The following FARP1 variants were observed in gnomAD, a reference collection of about 807,000 sequenced individuals.
FARP1 encodes FERM, ARH/RhoGEF and pleckstrin domain protein 1, also known as FERM, ARHGEF and pleckstrin domain-containing protein 1.
Under a neutral mutation model 128.8 loss-of-function variants are expected in FARP1, and 52 were observed. That is an observed-to-expected ratio of 0.40 (90% CI 0.32 to 0.51). The LOEUF is 0.51. FARP1 is among the 20% of genes least tolerant of loss of function. FARP1 has a pLI of 0.45. For synonymous variants in FARP1, 580 were observed against 551.8 expected (o/e 1.05, Z -0.72); for missense variants, 1,333 against 1,367.9 (o/e 0.97, Z 0.40).
intron 4 of FARP1, among the ~76,000 whole-genome samples, chr13:98,366,745 G>A (rs914661073): frequency 4.1e-4 from 62 of 152,332 alleles, no homozygotes; most frequent in African/African-American, 1.5e-3. Flanking sequence ...AATAAGTGGT[G>A]CAGCCTTCTC....
At chr13:98,427,023 G>A (rs185694064) in intron 17 of FARP1, among the ~76,000 whole-genome samples, 32 of 152,178 alleles carry the variant, frequency 2.1e-4, no homozygotes, top group Admixed American at 5.2e-4. Flanking sequence ...CGTGGTGCTC[G>A]TGTGGAAACT....
chr13:98,384,034 T>TTTA (rs1195981392), intron 6 of FARP1: 1 of 152,232 alleles, frequency 6.6e-6, no homozygotes, highest in Non-Finnish European at 1.5e-5. Flanking sequence ...CACTTTGATG[T>TTTA]TTATAAAGTC....
chr13:98,314,289 T>C (rs1685460228), intron 2 of FARP1, among the ~76,000 whole-genome samples: 1 of 140,040 alleles, frequency 7.1e-6, no homozygotes, highest in Non-Finnish European at 1.5e-5. Flanking sequence ...TTTTTTTTTT[T>C]TTTTTTTTTG....
intron 2 of FARP1, among the ~76,000 whole-genome samples, chr13:98,218,562 G>A (rs963500602): frequency 6.6e-5 from 10 of 152,128 alleles, no homozygotes; most frequent in African/African-American, 2.4e-4. Context: ...TAATCTTAGA[G>A]CAAACCTTGA....
chr13:98,389,948 C>G lies in FARP1; in HGVS notation c.856-9C>G. The G allele has an allele frequency of 6.2e-7, 1 of 1,613,512 alleles. No individual in the cohort carries two copies. Among genetic ancestry groups the G allele is most frequent in the Non-Finnish European group, 8.5e-7 (1 of 1,179,780 alleles). ...TGGAAAAAACCACCGTTGTATTTTC[C>G]CTTTTTAGAGTGCGTACCAGGATAC... On this transcript the variant is annotated splice_polypyrimidine_tract_variant and intron_variant, in intron 9 of 26. Coordinates refer to ENST00000319562, the MANE Select transcript of FARP1 (RefSeq NM_005766.4).
At chr13:98,296,788 G>C (rs1386523527) in intron 2 of FARP1, among the ~76,000 whole-genome samples, 1 of 147,894 alleles carries the variant, frequency 6.8e-6, no homozygotes, top group African/African-American at 2.5e-5. Flanking sequence ...CAACTCAGGT[G>C]ATCCTCTCAC....
Position 98,451,912 on chromosome 13 carries a change from T to A in FARP1, c.*3595T>A, listed in dbSNP as rs1324833632. ...CAGAGAAGCAAAATAACTCTTAAGGTCCCCGGCAACCGCTACAGCAATCGC... is the reference window on the plus strand; with the variant it reads ...CAGAGAAGCAAAATAACTCTTAAGGACCCCGGCAACCGCTACAGCAATCGC... On this transcript the variant is annotated 3_prime_UTR_variant, in exon 27 of 27. Transcript: ENST00000319562. 6.6e-6 allele frequency: 1 copy of A among 151,254 alleles called. No homozygotes were observed. Among genetic ancestry groups the A allele is most frequent in the Non-Finnish European group, 1.5e-5 (1 of 67,978 alleles). The allele number at this position is 151,254 out of a possible 1,614,324, so 9.4% of individuals were successfully genotyped here. A position where few individuals can be genotyped will look rare whatever the true frequency, so the allele number is the denominator to read the frequency against.
chr13:98,388,847 C>A (rs1023672627), intron 9 of FARP1, among the ~76,000 whole-genome samples: 1 of 152,234 alleles, frequency 6.6e-6, no homozygotes, highest in Admixed American at 6.5e-5. Flanking sequence ...CTACCCCAGG[C>A]ATAGACTGAC....
At chr13:98,424,501 A>C (rs1891705401) in intron 16 of FARP1, 71 bp from the exon 17 acceptor site, 2 of 958,900 alleles carry the variant, frequency 2.1e-6, no homozygotes, top group African/African-American at 3.2e-5. Flanking sequence ...CGGTAGGCTG[A>C]TATTTGTAAC....
intron 3 of FARP1, among the ~76,000 whole-genome samples, chr13:98,355,224 A>G (rs1888593357): frequency 1.3e-5 from 2 of 152,192 alleles, no homozygotes; most frequent in Admixed American, 6.5e-5. Context: ...TCACACCTGT[A>G]GTCCTAGCTA....
intron 4 of FARP1, among the ~76,000 whole-genome samples, chr13:98,366,893 TA>T (rs775779186): frequency 1.7e-4 from 26 of 152,198 alleles, no homozygotes; most frequent in Non-Finnish European, 2.8e-4. Context: ...TTGCTTTTTT[TA>T]AACTTGAATA....
intron 1 of FARP1, among the ~76,000 whole-genome samples, chr13:98,166,728 T>C (rs1277613392): frequency 1.2e-4 from 17 of 137,528 alleles, no homozygotes; most frequent in Non-Finnish European, 1.8e-4. Context: ...TTCTTTCTTT[T>C]TTTTTTTTTT....
chr13:98,329,242 A>C (rs185520265), intron 2 of FARP1: 3 of 152,320 alleles, frequency 2.0e-5, no homozygotes, highest in Non-Finnish European at 1.5e-5. Flanking sequence ...CTATCGAAAG[A>C]ATGTCATCTT....
chr13:98,277,150 C>CA (rs1566824337), intron 2 of FARP1, among the ~76,000 whole-genome samples: 5 of 11,752 alleles, frequency 4.3e-4, no homozygotes, highest in African/African-American at 7.5e-4. Context: ...ACACACACAC[C>CA]CCATATGTAT....
chr13:98,409,588 T>A, intron 14 of FARP1, 63 bp downstream of exon 14: 2 of 1,414,870 alleles, frequency 1.4e-6, no homozygotes, highest in East Asian at 2.5e-5. Context: ...GTGTGAATTT[T>A]AAAAATTGTA....
At chr13:98,171,596 G>A (rs765907382) in intron 1 of FARP1, among the ~76,000 whole-genome samples, 1 of 152,104 alleles carries the variant, frequency 6.6e-6, no homozygotes, top group South Asian at 2.1e-4. Context: ...TGGTTAATCT[G>A]CCATGTTCAA....
At chr13:98,410,336 C>T (rs1891144133) in intron 14 of FARP1, among the ~76,000 whole-genome samples, 1 of 152,230 alleles carries the variant, frequency 6.6e-6, no homozygotes, top group South Asian at 2.1e-4. Flanking sequence ...CACAATGTAA[C>T]TTCCATGTCA....
At chr13:98,335,576 CA>C (rs1269849772) in intron 2 of FARP1, among the ~76,000 whole-genome samples, 12 of 152,286 alleles carry the variant, frequency 7.9e-5, no homozygotes, top group Admixed American at 5.9e-4. Flanking sequence ...GGGACACAGC[CA>C]AACCGTATCA....
intron 17 of FARP1, 118 bp from the exon 18 acceptor site, chr13:98,430,925 T>C: frequency 1.5e-6 from 1 of 675,824 alleles, no homozygotes; most frequent in East Asian, 2.5e-5. Flanking sequence ...TTAAGGAAAT[T>C]AAACAAATCG....
Sources: gnomAD v4.1 joint callset for allele counts (sites outside exome capture counted in the v4.1 genomes callset) on GRCh38, gnomAD v4.1.1 for gene constraint, MANE v1.5 for transcripts, NCBI Gene and HGNC (gene_info 2026-07-23, HGNC 2026-07-21) for gene names.